IQGAP1: variants seen among roughly 807,000 people sequenced by gnomAD.
IQGAP1 encodes the protein ras GTPase-activating-like protein IQGAP1.
Under a neutral mutation model 215.6 loss-of-function variants are expected in IQGAP1, and 66 were observed. The ratio of observed to expected loss-of-function variants is 0.31; its 90% CI spans 0.25 to 0.38. The LOEUF (loss-of-function observed/expected upper bound fraction) is 0.38. IQGAP1 is among the 10% of genes least tolerant of loss of function. The probability of loss-of-function intolerance (pLI) is 1.00; values close to 1 mark genes in which losing one functional copy is unlikely to be tolerated. For synonymous variants in IQGAP1, 772 were observed against 728.7 expected (o/e 1.06, Z -0.96); for missense variants, 1,712 against 1,997.1 (o/e 0.86, Z 2.72).
chr15:90,416,258 T>C (rs1965046281), intron 2 of IQGAP1, among the ~76,000 whole-genome samples: 1 of 152,154 alleles, frequency 6.6e-6, no homozygotes, highest in South Asian at 2.1e-4. Context: ...GGCTTCATAG[T>C]ATTCCATGGT....
intron 25 of IQGAP1, 22 bp downstream of exon 25, chr15:90,477,252 G>C: frequency 1.2e-6 from 2 of 1,607,850 alleles, no homozygotes; most frequent in Non-Finnish European, 1.7e-6. Flanking sequence ...TTTCCTCAGG[G>C]CACAGGCCCC....
At chr15:90,430,178 C>T (rs1396557795) in intron 4 of IQGAP1, among the ~76,000 whole-genome samples, 1 of 152,052 alleles carries the variant, frequency 6.6e-6, no homozygotes, top group Non-Finnish European at 1.5e-5. Flanking sequence ...TTGGAGTGTA[C>T]ATCTTCTGGG....
chr15:90,472,223 T>G (rs1305111139), intron 18 of IQGAP1, among the ~76,000 whole-genome samples: 1 of 152,182 alleles, frequency 6.6e-6, no homozygotes, highest in Non-Finnish European at 1.5e-5. Flanking sequence ...TGCAGCGAGC[T>G]GAGATTGTAC....
intron 24 of IQGAP1, 105 bp downstream of exon 24, chr15:90,476,923 G>C: frequency 7.3e-7 from 1 of 1,371,842 alleles, no homozygotes; most frequent in South Asian, 1.3e-5. Flanking sequence ...CTTCCACTGA[G>C]GGGTGAGTGA....
intron 2 of IQGAP1, among the ~76,000 whole-genome samples, chr15:90,414,061 T>C (rs1965007968): frequency 6.6e-6 from 1 of 151,976 alleles, no homozygotes; most frequent in African/African-American, 2.4e-5. Context: ...CACAATCATT[T>C]AAAAAAAATA....
chr15:90,483,364 A>T lies in IQGAP1; in HGVS notation c.3559A>T (p.Ile1187Phe), dbSNP rs1324921791. 1.2e-6 allele frequency: 2 copies of T among 1,610,144 alleles called. No homozygotes were observed. Among genetic ancestry groups the T allele is most frequent in the Admixed American group, 3.3e-5 (2 of 59,972 alleles). The change falls in exon 29 of 38, where the codon ATT becomes TTT. Residue 1187 changes from isoleucine to phenylalanine, a missense_variant. By Grantham distance (21) the Ile-to-Phe change is conservative. Transcript: ENST00000268182. The part of the protein sequence containing the change: ...DAGEDELLKI[I>F]GNLLYYRYMN... ...CTTTCTGTTTCGTCTGTTCCAGATT[A>T]TTGGTAACTTGCTTTATTATCGATA...
At chr15:90,450,546 G>A (rs901674116) in intron 11 of IQGAP1, among the ~76,000 whole-genome samples, 8 of 151,382 alleles carry the variant, frequency 5.3e-5, no homozygotes, top group Middle Eastern at 3.4e-3. Context: ...TTTCCGTAGC[G>A]GCTATAGTAA....
chr15:90,440,660 CTATTT>C (rs769078995), intron 7 of IQGAP1, 45 bp downstream of exon 7: 1 of 1,197,326 alleles, frequency 8.4e-7, no homozygotes, highest in Non-Finnish European at 1.2e-6. Context: ...ATTGTTGCCA[CTATTT>C]CCAATAATTA....
chr15:90,485,878 A>G (rs1312844264), intron 30 of IQGAP1, 152 bp from the exon 31 acceptor site: 2 of 596,864 alleles, frequency 3.4e-6, no homozygotes, highest in African/African-American at 3.7e-5. Context: ...CATATTGTTT[A>G]TTTGGGTTAG....
At chr15:90,462,776 C>A (rs1448617517) in intron 15 of IQGAP1, among the ~76,000 whole-genome samples, 2 of 152,100 alleles carry the variant, frequency 1.3e-5, no homozygotes, top group Admixed American at 1.3e-4. Context: ...TAAATTCTGA[C>A]TTCTGGTCCC....
intron 3 of IQGAP1, among the ~76,000 whole-genome samples, chr15:90,427,244 A>T (rs1965236478): frequency 6.6e-6 from 1 of 152,074 alleles, no homozygotes. Flanking sequence ...CCTGTCTCTT[A>T]AAAAAAGAAA....
intron 12 of IQGAP1, 70 bp from the exon 13 acceptor site, chr15:90,453,062 A>T: frequency 6.4e-7 from 1 of 1,554,122 alleles, no homozygotes; most frequent in Non-Finnish European, 8.7e-7. Flanking sequence ...AGTTTTATTA[A>T]ACTTATAACT....
chr15:90,442,562 C>T (rs2151019838), intron 8 of IQGAP1, among the ~76,000 whole-genome samples: 1 of 152,302 alleles, frequency 6.6e-6, no homozygotes, highest in East Asian at 1.9e-4. Context: ...TATCATAGAG[C>T]AGGGATTTCA....
At chr15:90,435,550 G>A (rs1345313585) in intron 5 of IQGAP1, among the ~76,000 whole-genome samples, 1 of 152,198 alleles carries the variant, frequency 6.6e-6, no homozygotes, top group Non-Finnish European at 1.5e-5. Context: ...ATTTTGTTTG[G>A]CTTAGTGTTG....
At chr15:90,469,061 C>T (rs578221934) in intron 18 of IQGAP1, among the ~76,000 whole-genome samples, 1 of 152,290 alleles carries the variant, frequency 6.6e-6, no homozygotes, top group South Asian at 2.1e-4. Flanking sequence ...GCTAAGTTTG[C>T]AGTACTTTCT....
chr15:90,455,461 C>T (rs569012444), intron 14 of IQGAP1, among the ~76,000 whole-genome samples: 1 of 152,132 alleles, frequency 6.6e-6, no homozygotes, highest in South Asian at 2.1e-4. Flanking sequence ...CAGAAACATA[C>T]CTATCACTCA....
chr15:90,484,477 A>G (rs1323312103), intron 30 of IQGAP1, 125 bp downstream of exon 30: 4 of 672,250 alleles, frequency 6.0e-6, no homozygotes, highest in East Asian at 5.6e-5. Context: ...CATCTCCTTG[A>G]TGTCTCTTTT....
intron 2 of IQGAP1, among the ~76,000 whole-genome samples, chr15:90,418,964 G>A (rs1218010375): frequency 6.6e-6 from 1 of 152,070 alleles, no homozygotes; most frequent in African/African-American, 2.4e-5. Flanking sequence ...TGGGTAACAT[G>A]GTGAAACCCT....
In IQGAP1 at chr15:90,482,394, C is replaced by T. The variant is rs1596289406; in HGVS notation, c.3555+113C>T. On this transcript the variant is annotated intron_variant, in intron 28 of 37. Coordinates refer to ENST00000268182, the MANE Select transcript of IQGAP1 (RefSeq NM_003870.4). The stretch of plus-strand genomic sequence containing the variant: ...AGTGTAGGTTCTGGCAGTAGCTTAC[C>T]ATTGATTGTGAGCTTTTGAAAGCAA... 3 of 954,012 alleles carry T rather than the reference C, an allele frequency of 3.1e-6. No homozygotes were observed. In the East Asian group the frequency reaches 7.5e-5, roughly 24 times the overall value. 59.1% of individuals were successfully genotyped at this position (954,012 alleles called of 1,614,324 possible).
Sources: allele counts gnomAD v4.1 joint callset (sites outside exome capture counted in the v4.1 genomes callset), GRCh38; gene constraint gnomAD v4.1.1; transcripts MANE v1.5; gene names NCBI Gene and HGNC (gene_info 2026-07-23, HGNC 2026-07-21).